The following NRG3 variants were observed in gnomAD, a reference collection of about 807,000 sequenced individuals.
The protein encoded by NRG3 is neuregulin 3, also known as pro-neuregulin-3, membrane-bound isoform.
In NRG3, 31 loss-of-function variants were observed where a neutral mutation model predicts 66.9. That is an observed-to-expected ratio of 0.46 (90% confidence interval 0.35 to 0.63). The LOEUF is 0.63. NRG3 is among the 20% of genes least tolerant of loss of function. NRG3 has a pLI of 0.00. For synonymous variants in NRG3, 393 were observed against 359.4 expected (o/e 1.09, Z -1.06); for missense variants, 910 against 878.9 (o/e 1.04, Z -0.45).
chr10:82,434,403 A>C (rs1376892163), intron 2 of NRG3, among the ~76,000 whole-genome samples: 1 of 152,102 alleles, frequency 6.6e-6, no homozygotes, highest in Non-Finnish European at 1.5e-5. Context: ...AACAGGGACA[A>C]CTTGACTTCC....
chr10:82,669,699 C>A (rs112356224), intron 2 of NRG3, among the ~76,000 whole-genome samples: 3,752 of 152,152 alleles, frequency 0.025, 150 homozygotes, highest in African/African-American at 0.086. Context: ...GAGGCCGAGG[C>A]GGGTGGATCA....
intron 1 of NRG3, among the ~76,000 whole-genome samples, chr10:82,166,179 C>A (rs547838775): frequency 5.3e-5 from 8 of 151,900 alleles, no homozygotes; most frequent in Non-Finnish European, 1.2e-4. Flanking sequence ...TGCACCACCA[C>A]GCCCGGCTAA....
At chr10:82,459,916 A>T (rs1184359738) in intron 2 of NRG3, among the ~76,000 whole-genome samples, 1 of 152,236 alleles carries the variant, frequency 6.6e-6, no homozygotes, top group African/African-American at 2.4e-5. Context: ...CAGGAGTATG[A>T]TACGGAATAC....
intron 3 of NRG3, among the ~76,000 whole-genome samples, chr10:82,794,447 C>T (rs2060714311): frequency 6.6e-6 from 1 of 152,136 alleles, no homozygotes; most frequent in South Asian, 2.1e-4. Context: ...TAATTAGTTA[C>T]TATAAACTGG....
chr10:82,420,016 C>G (rs1267137976), intron 2 of NRG3, among the ~76,000 whole-genome samples: 1 of 152,142 alleles, frequency 6.6e-6, no homozygotes, highest in Non-Finnish European at 1.5e-5. Flanking sequence ...GACTCAGTCT[C>G]TCTACATATT....
At chr10:82,245,293 C>T (rs992919405) in intron 1 of NRG3, among the ~76,000 whole-genome samples, 5 of 152,114 alleles carry the variant, frequency 3.3e-5, no homozygotes, top group Admixed American at 6.5e-5. Context: ...CATGCTGTGG[C>T]TCATCTGACA....
At chr10:82,208,709 C>A (rs776178576) in intron 1 of NRG3, among the ~76,000 whole-genome samples, 1 of 151,898 alleles carries the variant, frequency 6.6e-6, no homozygotes, top group Non-Finnish European at 1.5e-5. Context: ...AAAATAAAAC[C>A]TTCTAGCTTT....
At chr10:81,991,370 T>C (rs887133344) in intron 1 of NRG3, among the ~76,000 whole-genome samples, 1 of 152,178 alleles carries the variant, frequency 6.6e-6, no homozygotes, top group Admixed American at 6.5e-5. Flanking sequence ...ACTTGGCACC[T>C]AGTAAGCACT....
At chr10:82,452,694 G>T (rs1288022799) in intron 2 of NRG3, among the ~76,000 whole-genome samples, 2 of 151,726 alleles carry the variant, frequency 1.3e-5, no homozygotes, top group Non-Finnish European at 2.9e-5. Context: ...CACAATTGGA[G>T]TTCTAAACCC....
At chr10:82,643,095 T>A (rs909992181) in intron 2 of NRG3, among the ~76,000 whole-genome samples, 2 of 152,120 alleles carry the variant, frequency 1.3e-5, no homozygotes, top group Non-Finnish European at 2.9e-5. Flanking sequence ...ATATACTGAC[T>A]TTTCTTTCTT....
chr10:82,696,742 C>G (rs2055414614), intron 2 of NRG3, among the ~76,000 whole-genome samples: 1 of 152,104 alleles, frequency 6.6e-6, no homozygotes, highest in Admixed American at 6.6e-5. Context: ...TGACAGAATG[C>G]TCACAGGAGT....
chr10:82,515,789 G>T (rs903055769), intron 2 of NRG3, among the ~76,000 whole-genome samples: 9 of 152,074 alleles, frequency 5.9e-5, no homozygotes, highest in Non-Finnish European at 1.3e-4. Context: ...CTCCACACAG[G>T]GCTTCTTCTG....
intron 1 of NRG3, among the ~76,000 whole-genome samples, chr10:82,042,220 T>G (rs2133026620): frequency 6.6e-6 from 1 of 152,168 alleles, no homozygotes; most frequent in African/African-American, 2.4e-5. Context: ...TATATTTAAT[T>G]TATTGAAAAA....
chr10:82,145,734 G>A (rs575958153), intron 1 of NRG3, among the ~76,000 whole-genome samples: 14 of 152,288 alleles, frequency 9.2e-5, no homozygotes, highest in Admixed American at 3.9e-4. Flanking sequence ...TACTGTTCAC[G>A]TTGGATAGTA....
chr10:81,902,681 C>T (rs765014794), intron 1 of NRG3, among the ~76,000 whole-genome samples: 21 of 152,098 alleles, frequency 1.4e-4, no homozygotes, highest in Non-Finnish European at 2.9e-4. Context: ...TAGCATCCTG[C>T]ACTAAGACAC....
chr10:82,396,736 C>A (rs1351639525), intron 2 of NRG3, among the ~76,000 whole-genome samples: 1 of 152,106 alleles, frequency 6.6e-6, no homozygotes, highest in African/African-American at 2.4e-5. Context: ...TGTTGGGTGA[C>A]TGGTGTTATT....
chr10:82,870,527 C>T (rs1395821982), intron 4 of NRG3, among the ~76,000 whole-genome samples: 1 of 152,152 alleles, frequency 6.6e-6, no homozygotes. Flanking sequence ...TCCAAGGTGG[C>T]TGTGCCATTT....
At chr10:82,588,468 G>A (rs988411101) in intron 2 of NRG3, among the ~76,000 whole-genome samples, 1 of 151,980 alleles carries the variant, frequency 6.6e-6, no homozygotes, top group Non-Finnish European at 1.5e-5. Flanking sequence ...TGGAGCCATG[G>A]TTGTACAGCC....
intron 1 of NRG3, among the ~76,000 whole-genome samples, chr10:82,261,879 C>T (rs1301871534): frequency 4.6e-5 from 7 of 152,158 alleles, no homozygotes; most frequent in Admixed American, 3.9e-4. Flanking sequence ...ATGGCCATCA[C>T]GAACATGTCA....
Sources: gnomAD v4.1 joint callset for allele counts (sites outside exome capture counted in the v4.1 genomes callset) on GRCh38, gnomAD v4.1.1 for gene constraint, MANE v1.5 for transcripts, NCBI Gene and HGNC (gene_info 2026-07-23, HGNC 2026-07-21) for gene names.